UNC93A: variants seen among roughly 807,000 people sequenced by gnomAD.
UNC93A encodes unc-93 homolog A, also known as N-acetylglucosamine transporter UNC93A.
UNC93A carries 43 observed loss-of-function variants against 47.5 expected under a neutral mutation model. The observed-to-expected ratio is 0.91, with a 90% CI of 0.71 to 1.17. The LOEUF (loss-of-function observed/expected upper bound fraction) is 1.17. UNC93A is among the 50% of genes most tolerant of loss of function. The pLI is 0.00. For synonymous variants in UNC93A, 280 were observed against 258.0 expected (o/e 1.09, Z -0.82); for missense variants, 605 against 577.6 (o/e 1.05, Z -0.49).
At chr6:167,290,234 G>A (rs562087802), upstream of UNC93A, among the ~76,000 whole-genome samples, 1 of 152,164 alleles carries the variant, frequency 6.6e-6, no homozygotes, top group African/African-American at 2.4e-5. Flanking sequence ...GTCTATGTAA[G>A]CATGATAGTC....
At chr6:167,286,176 C>T (rs1257457611) in intron 1 of UNC93A, among the ~76,000 whole-genome samples, 2 of 151,636 alleles carry the variant, frequency 1.3e-5, no homozygotes, top group African/African-American at 2.4e-5. Flanking sequence ...ACCTTCAATG[C>T]TTGTCTTTAT....
At chr6:167,275,055 C>T (rs148008255) in intron 1 of UNC93A, among the ~76,000 whole-genome samples, 6 of 152,294 alleles carry the variant, frequency 3.9e-5, no homozygotes, top group East Asian at 1.9e-4. Flanking sequence ...AGCAACACCA[C>T]GTGGAAGTGT....
Position 167,301,108 on chromosome 6 carries a change from T to C in UNC93A, c.626-2811T>C, listed in dbSNP as rs74978722. On this transcript the variant is annotated intron_variant, in intron 4 of 7. Transcript: ENST00000230256. ...TGGGCAGGCTTTGGCCCGCAGGCCA[T>C]AGTTTGCTGGCCCCTGCTCTAGAGG... 8.8e-3 allele frequency among the ~76,000 whole-genome samples: 1,345 copies of C among 152,354 alleles called. 9 individuals carry two copies. Among genetic ancestry groups the C allele is most frequent in the Non-Finnish European group, 0.014 (979 of 68,024 alleles).
At chr6:167,292,356 A>G (rs866036452) in intron 1 of UNC93A, among the ~76,000 whole-genome samples, 1 of 152,188 alleles carries the variant, frequency 6.6e-6, no homozygotes, top group Non-Finnish European at 1.5e-5. Flanking sequence ...GTGGTCTTAC[A>G]TGGTTCGTCA....
chr6:167,314,230 T>G (rs199648838), intron 7 of UNC93A, among the ~76,000 whole-genome samples: 1 of 92,276 alleles, frequency 1.1e-5, no homozygotes, highest in Non-Finnish European at 2.4e-5. Flanking sequence ...TCCACACTCC[T>G]GTGTGTCTTG....
intron 1 of UNC93A, among the ~76,000 whole-genome samples, chr6:167,272,969 G>C (rs991947706): frequency 6.6e-6 from 1 of 152,116 alleles, no homozygotes; most frequent in Non-Finnish European, 1.5e-5. Flanking sequence ...TAAAATTTAA[G>C]AGTGCCCTGG....
intron 1 of UNC93A, among the ~76,000 whole-genome samples, chr6:167,275,214 G>A (rs1783519407): frequency 6.6e-6 from 1 of 152,202 alleles, no homozygotes; most frequent in South Asian, 2.1e-4. Flanking sequence ...CAGGGTCTTT[G>A]GGTTCCTGTT....
chr6:167,289,565 T>C (rs969016277), upstream of UNC93A, among the ~76,000 whole-genome samples: 6 of 151,994 alleles, frequency 3.9e-5, no homozygotes, highest in African/African-American at 1.5e-4. Flanking sequence ...CCAGGTTTAT[T>C]TGTGCACAAA....
chr6:167,306,062 C>T lies in UNC93A; in HGVS notation c.976+12C>T, dbSNP rs1386267942. The T allele has an allele frequency of 5.6e-6, 9 of 1,613,700 alleles. No individual in the cohort carries two copies. The highest frequency in any genetic ancestry group is 4.5e-5 in the East Asian group (2 of 44,890). The stretch of plus-strand genomic sequence containing the variant: ...GCTGTACGTGCTGGGTAGGTATCAG[C>T]GTGGGTCCCATCCCAGCTGTCATAA... On this transcript the variant is annotated intron_variant, in intron 6 of 7. Coordinates refer to ENST00000230256, the MANE Select transcript of UNC93A (RefSeq NM_018974.4).
chr6:167,274,890 T>C (rs1019368946), intron 1 of UNC93A, among the ~76,000 whole-genome samples: 11 of 152,228 alleles, frequency 7.2e-5, no homozygotes, highest in African/African-American at 2.7e-4. Flanking sequence ...GCAAAGCTAC[T>C]TTGATTAGGC....
chr6:167,292,092 C>A (rs759739708), intron 1 of UNC93A, among the ~76,000 whole-genome samples: 1 of 152,182 alleles, frequency 6.6e-6, no homozygotes, highest in African/African-American at 2.4e-5. Context: ...CATGAAAAAG[C>A]CAAACGGCAT....
rs1490201921 is a variant in UNC93A at position 167,295,671 on chromosome 6, C to CTTGTTGTT, written c.270-360_270-359insTGTTGTTT. Among the ~76,000 whole-genome samples the CTTGTTGTT allele has an allele frequency of 2.4e-5, 3 of 124,868 alleles. 1 individual carries two copies. Among genetic ancestry groups the CTTGTTGTT allele is most frequent in the Admixed American group, 7.6e-5 (1 of 13,202 alleles). The allele number at this position is 124,868 out of a possible 152,430, so 81.9% of individuals were successfully genotyped here. A position where few individuals can be genotyped will look rare whatever the true frequency, so the allele number is the denominator to read the frequency against. ...TCCTCGCCTCCCTCGTGATCCTCGC[C>CTTGTTGTT]TGCCTCGTGCTCCTCGCCTGCCTCG... On this transcript the variant is annotated intron_variant, in intron 2 of 7. Transcript: ENST00000230256.
intron 4 of UNC93A, among the ~76,000 whole-genome samples, chr6:167,298,600 T>C (rs895453144): frequency 6.6e-5 from 10 of 152,140 alleles, no homozygotes; most frequent in South Asian, 2.1e-4. Context: ...TCCCAAGTGC[T>C]TGTTGCACCT....
chr6:167,270,066 G>C (rs1434323617), upstream of UNC93A, among the ~76,000 whole-genome samples: 1 of 140,408 alleles, frequency 7.1e-6, no homozygotes, highest in African/African-American at 2.6e-5. Context: ...GTGGGGGTGG[G>C]GGGGGGGCGT....
chr6:167,295,339 C>T (rs961243996), intron 2 of UNC93A, among the ~76,000 whole-genome samples: 8 of 152,222 alleles, frequency 5.3e-5, no homozygotes, highest in Admixed American at 2.6e-4. Flanking sequence ...CGCTGAGGCC[C>T]GAGCCGGTCA....
At chr6:167,312,794 G>C (rs1778595680) in intron 7 of UNC93A, among the ~76,000 whole-genome samples, 1 of 152,182 alleles carries the variant, frequency 6.6e-6, no homozygotes, top group Admixed American at 6.5e-5. Flanking sequence ...GTAGTTCCAT[G>C]CAATTCAAAA....
intron 1 of UNC93A, among the ~76,000 whole-genome samples, chr6:167,273,843 A>G (rs1347119927): frequency 9.7e-6 from 1 of 103,048 alleles, no homozygotes; most frequent in Non-Finnish European, 2.0e-5. Context: ...TAGAAAGGAA[A>G]TATCTGGGTT....
chr6:167,315,403 C>T lies in UNC93A; in HGVS notation c.1325C>T (p.Pro442Leu). 2 of 1,613,940 alleles carry T rather than the reference C, an allele frequency of 1.2e-6. No individual in the cohort carries two copies. The highest frequency in any genetic ancestry group is 1.7e-6 in the Non-Finnish European group (2 of 1,179,872). ...ESKNPIRPHA[P>L]GQVNQAEDEE... ...AAGAACCCGATCAGACCCCACGCTC[C>T]AGGACAGGTCAACCAGGCAGAGGAT... Residue 442 changes from proline to leucine, a missense_variant, in exon 8 of 8, where the codon CCA becomes CTA. Physicochemically the swap from Pro to Leu is moderately conservative, Grantham distance 98. Coordinates refer to ENST00000230256, the MANE Select transcript of UNC93A (RefSeq NM_018974.4).
chr6:167,292,025 G>T (rs963840921), intron 1 of UNC93A, among the ~76,000 whole-genome samples: 3 of 152,152 alleles, frequency 2.0e-5, no homozygotes, highest in Non-Finnish European at 2.9e-5. Context: ...TTGACAACAT[G>T]ATCTCTCTAT....
Sources: allele counts gnomAD v4.1 joint callset (sites outside exome capture counted in the v4.1 genomes callset), GRCh38; gene constraint gnomAD v4.1.1; transcripts MANE v1.5; gene names NCBI Gene and HGNC (gene_info 2026-07-23, HGNC 2026-07-21).